STK3: variants seen among roughly 807,000 people sequenced by gnomAD.
STK3 encodes serine/threonine-protein kinase 3.
A neutral mutation model predicts 58.0 loss-of-function variants in STK3; 41 were observed. The ratio of observed to expected loss-of-function variants is 0.71; its 90% confidence interval spans 0.55 to 0.92. STK3 has a LOEUF of 0.92. Ranked by LOEUF, STK3 falls within the 40% of genes least tolerant of loss-of-function variation. The pLI is 0.00. For synonymous variants in STK3, 170 were observed against 191.0 expected, an observed-to-expected ratio of 0.89 and a Z score of 0.91; for missense variants, 479 against 602.7, an observed-to-expected ratio of 0.79 and a Z score of 2.15.
intron 1 of STK3, among the ~76,000 whole-genome samples, chr8:98,821,673 A>AC (rs1285615991): frequency 6.6e-6 from 1 of 152,040 alleles, no homozygotes; most frequent in East Asian, 1.9e-4. Context: ...AAAAAAAAAA[A>AC]AAAGTTAAAA....
intron 2 of STK3, among the ~76,000 whole-genome samples, chr8:98,769,703 G>C (rs965852013): frequency 6.6e-6 from 1 of 152,148 alleles, no homozygotes. Context: ...TAGTTGCCTG[G>C]AGTCTAAGCA....
At chr8:98,585,588 T>C (rs1814468421) in intron 7 of STK3, among the ~76,000 whole-genome samples, 1 of 149,370 alleles carries the variant, frequency 6.7e-6, no homozygotes, top group Non-Finnish European at 1.5e-5. Context: ...GGCTCTTTTT[T>C]GGTTCCATAT....
rs192710087 is a variant in STK3 at position 98,755,222 on chromosome 8, C to T, written c.237-5832G>A. 4.1e-3 allele frequency among the ~76,000 whole-genome samples: 618 copies of T among 152,340 alleles called. 8 individuals carry two copies. Among genetic ancestry groups the T allele is most frequent in the Non-Finnish European group, 2.0e-3 (133 of 68,032 alleles). On this transcript the variant is annotated intron_variant, in intron 3 of 10. Coordinates refer to ENST00000419617, the MANE Select transcript of STK3 (RefSeq NM_006281.4). Reference sequence around the variant, plus strand: ...CTAAACAGCCACATGCATTCACTGACCCTCTACTCGGGCCAGGCATTTCAC... The same window carrying T: ...CTAAACAGCCACATGCATTCACTGATCCTCTACTCGGGCCAGGCATTTCAC...
intron 1 of STK3, among the ~76,000 whole-genome samples, chr8:98,902,102 T>C (rs1271406495): frequency 1.3e-5 from 2 of 152,158 alleles, no homozygotes; most frequent in Non-Finnish European, 2.9e-5. Context: ...TTCTTCTGCT[T>C]TTCTGGATGT....
chr8:98,368,698 A>G (rs773945231), downstream of STK3, among the ~76,000 whole-genome samples: 1 of 152,240 alleles, frequency 6.6e-6, no homozygotes, highest in Non-Finnish European at 1.5e-5. Flanking sequence ...AAAGGAACTC[A>G]CAATTATCAT....
chr8:98,557,876 C>T (rs1811720765), intron 8 of STK3, among the ~76,000 whole-genome samples: 3 of 152,048 alleles, frequency 2.0e-5, no homozygotes, highest in African/African-American at 2.4e-5. Flanking sequence ...CTCCAAACGT[C>T]ATAAAAGACT....
chr8:98,613,535 G>A (rs1009190910), intron 6 of STK3, among the ~76,000 whole-genome samples: 1 of 151,652 alleles, frequency 6.6e-6, no homozygotes, highest in East Asian at 1.9e-4. Context: ...TGTACATATA[G>A]AATAATACTA....
chr8:98,630,149 G>A (rs930000662), intron 6 of STK3, among the ~76,000 whole-genome samples: 4 of 152,186 alleles, frequency 2.6e-5, no homozygotes, highest in South Asian at 2.1e-4. Flanking sequence ...ACTATGTGGC[G>A]TGGCATATAT....
At chr8:98,531,472 T>A (rs926276576) in intron 9 of STK3, among the ~76,000 whole-genome samples, 7 of 152,156 alleles carry the variant, frequency 4.6e-5, no homozygotes, top group African/African-American at 1.7e-4. Context: ...TGCAAACAAA[T>A]GTGCTGCCAT....
At chr8:98,396,325 G>A (rs1232356074) in intron 3 of STK3, among the ~76,000 whole-genome samples, 2 of 152,190 alleles carry the variant, frequency 1.3e-5, no homozygotes. Context: ...TCAACATATT[G>A]CCCTAAGAAG....
chr8:98,626,220 C>T (rs912002700), intron 6 of STK3, among the ~76,000 whole-genome samples: 1 of 152,032 alleles, frequency 6.6e-6, no homozygotes, highest in South Asian at 2.1e-4. Flanking sequence ...TAGATAGAAT[C>T]ACATGAAAAA....
At chr8:98,861,964 T>C (rs563527832) in intron 3 of STK3, among the ~76,000 whole-genome samples, 40 of 152,290 alleles carry the variant, frequency 2.6e-4, no homozygotes, top group African/African-American at 9.4e-4. Context: ...AGAGATTTAA[T>C]TGGATAATTT....
chr8:98,605,316 A>G (rs942679259), intron 6 of STK3, among the ~76,000 whole-genome samples: 2 of 152,226 alleles, frequency 1.3e-5, no homozygotes, highest in Non-Finnish European at 2.9e-5. Flanking sequence ...TATAAAGAAA[A>G]GAAGTTTAAC....
intron 8 of STK3, among the ~76,000 whole-genome samples, chr8:98,558,524 T>C (rs547862736): frequency 9.2e-5 from 14 of 152,246 alleles, no homozygotes; most frequent in South Asian, 6.2e-4. Flanking sequence ...ACAAAATTTA[T>C]AGAAGTATAC....
At chr8:98,739,475 A>C (rs1828979945) in intron 4 of STK3, among the ~76,000 whole-genome samples, 2 of 150,574 alleles carry the variant, frequency 1.3e-5, no homozygotes, top group Admixed American at 6.6e-5. Flanking sequence ...GCTGGTACCC[A>C]GGCAAACAGA....
intron 2 of STK3, among the ~76,000 whole-genome samples, chr8:98,436,079 C>T (rs1818474502): frequency 6.6e-6 from 1 of 152,156 alleles, no homozygotes; most frequent in South Asian, 2.1e-4. Flanking sequence ...ATTCAGTGGC[C>T]TGTCCTCAAG....
At chr8:98,926,043 T>C (rs571243626) in intron 1 of STK3, among the ~76,000 whole-genome samples, 15 of 152,148 alleles carry the variant, frequency 9.9e-5, no homozygotes, top group South Asian at 2.1e-4. Context: ...GAAGAGAGGA[T>C]GAGAAGGAAG....
At chr8:98,748,387 C>T (rs183741002) in intron 4 of STK3, among the ~76,000 whole-genome samples, 20 of 152,218 alleles carry the variant, frequency 1.3e-4, no homozygotes, top group South Asian at 4.1e-4. Flanking sequence ...TGTTTCACTT[C>T]CCTTAAAAGA....
At chr8:98,396,525 G>A (rs1817898382), downstream of STK3, among the ~76,000 whole-genome samples, 1 of 152,246 alleles carries the variant, frequency 6.6e-6, no homozygotes, top group Non-Finnish European at 1.5e-5. Context: ...CAGGAGACCA[G>A]CCAGGAGTGG....
Sources: allele counts gnomAD v4.1 joint callset (sites outside exome capture counted in the v4.1 genomes callset), GRCh38; gene constraint gnomAD v4.1.1; transcripts MANE v1.5; gene names NCBI Gene and HGNC (gene_info 2026-07-23, HGNC 2026-07-21).